LPP: variants seen among roughly 807,000 people sequenced by gnomAD.
The protein encoded by LPP is lipoma-preferred partner.
LPP carries 38 observed loss-of-function variants against 60.4 expected under a neutral mutation model. That is an observed-to-expected ratio of 0.63 (90% CI 0.49 to 0.83). The LOEUF is 0.83. Among genes scored for constraint, LPP ranks in the 40% least tolerant of loss-of-function variants. The pLI, the probability that LPP is intolerant of heterozygous loss-of-function variation, is 0.00. For missense variants in LPP, 902 were observed against 783.6 expected, an observed-to-expected ratio of 1.15 and a Z score of -1.80; for synonymous variants, 328 against 290.8, an observed-to-expected ratio of 1.13 and a Z score of -1.30.
intron 3 of LPP, among the ~76,000 whole-genome samples, chr3:188,359,427 A>G (rs57549598): frequency 0.054 from 8,278 of 152,242 alleles, 305 homozygotes; most frequent in East Asian, 0.21. Flanking sequence ...CCCTGAGAAC[A>G]TATTAGGAGA....
intron 4 of LPP, among the ~76,000 whole-genome samples, chr3:188,467,986 A>G (rs886729609): frequency 6.6e-6 from 1 of 152,314 alleles, no homozygotes; most frequent in East Asian, 1.9e-4. Flanking sequence ...AATACACACA[A>G]TATCATGTTA....
chr3:188,591,595 A>C (rs1838719439), intron 6 of LPP, among the ~76,000 whole-genome samples: 1 of 152,110 alleles, frequency 6.6e-6, no homozygotes, highest in Non-Finnish European at 1.5e-5. Context: ...TTAGGGCCTC[A>C]TCATTTCTTG....
intron 4 of LPP, among the ~76,000 whole-genome samples, chr3:188,480,705 G>A (rs1804535175): frequency 2.0e-5 from 3 of 152,188 alleles, no homozygotes; most frequent in Admixed American, 2.0e-4. Flanking sequence ...CAATTTCCCT[G>A]TAGGTCAGAG....
intron 6 of LPP, among the ~76,000 whole-genome samples, chr3:188,590,198 T>C (rs993464766): frequency 6.6e-6 from 1 of 152,242 alleles, no homozygotes; most frequent in South Asian, 2.1e-4. Context: ...TAGATGCTTT[T>C]TGTTTACATA....
At chr3:188,163,829 T>C (rs1719112561) in intron 1 of LPP, among the ~76,000 whole-genome samples, 1 of 150,222 alleles carries the variant, frequency 6.7e-6, no homozygotes, top group South Asian at 2.1e-4. Context: ...TGGGCGCCTG[T>C]AATCCCAGCT....
At chr3:188,632,021 G>A (rs1325084184) in intron 7 of LPP, among the ~76,000 whole-genome samples, 1 of 152,094 alleles carries the variant, frequency 6.6e-6, no homozygotes, top group Non-Finnish European at 1.5e-5. Context: ...AGGGGCCAGT[G>A]TACATGAGGG....
At chr3:188,700,927 A>C (rs1864275847) in intron 7 of LPP, among the ~76,000 whole-genome samples, 2 of 152,352 alleles carry the variant, frequency 1.3e-5, no homozygotes, top group South Asian at 4.1e-4. Flanking sequence ...GTAGAACCAA[A>C]GGAAGCTTTG....
In LPP at chr3:188,531,716, T is replaced by C. The variant is rs115934746; in HGVS notation, c.429+6929T>C. ...CCTATACCCAGGACCCTTTTGGATCTAGCCCTGTGCACTTCATCATCTGCC... is the reference window on the plus strand; with the variant it reads ...CCTATACCCAGGACCCTTTTGGATCCAGCCCTGTGCACTTCATCATCTGCC... On this transcript the variant is annotated intron_variant, in intron 6 of 11. Transcript: ENST00000617246. 8.1e-3 allele frequency among the ~76,000 whole-genome samples: 1,240 copies of C among 152,318 alleles called. 19 individuals carry two copies. Among genetic ancestry groups the C allele is most frequent in the African/African-American group, 0.028 (1,155 of 41,572 alleles).
At chr3:188,335,003 A>G (rs763718759) in intron 2 of LPP, among the ~76,000 whole-genome samples, 2 of 152,132 alleles carry the variant, frequency 1.3e-5, no homozygotes, top group Non-Finnish European at 2.9e-5. Context: ...GTTGGCTGTA[A>G]ATACGTGGAT....
At position 188,724,412 on chromosome 3, in the gene LPP, G is replaced by A. The variant is rs189257306; in HGVS notation, c.1240+16019G>A. ...TGTTTTTTCCTCTACTTTCCTTGGGGGATGTTTTTAGTATGATTTGATTTT... is the reference window on the plus strand; with the variant it reads ...TGTTTTTTCCTCTACTTTCCTTGGGAGATGTTTTTAGTATGATTTGATTTT... On this transcript the variant is annotated intron_variant, in intron 8 of 11. Transcript: ENST00000617246. Among the ~76,000 whole-genome samples the A allele has an allele frequency of 3.9e-5, 6 of 152,216 alleles. No homozygotes were observed. The East Asian group carries it at 9.6e-4, about 24-fold the overall frequency.
intron 7 of LPP, among the ~76,000 whole-genome samples, chr3:188,622,825 C>T (rs1274799620): frequency 6.6e-6 from 1 of 151,918 alleles, no homozygotes; most frequent in Non-Finnish European, 1.5e-5. Context: ...GTCAGGAGTT[C>T]GATACCAGCC....
At chr3:188,168,655 A>G (rs568364236) in intron 1 of LPP, among the ~76,000 whole-genome samples, 1 of 152,334 alleles carries the variant, frequency 6.6e-6, no homozygotes, top group East Asian at 1.9e-4. Context: ...AACTGATGAC[A>G]TATTTCCCTA....
intron 1 of LPP, among the ~76,000 whole-genome samples, chr3:188,176,845 TAGAG>T (rs557883181): frequency 1.9e-4 from 29 of 152,312 alleles, no homozygotes; most frequent in South Asian, 1.9e-3. Flanking sequence ...AGCAGTATGA[TAGAG>T]AGAGACAGCT....
At chr3:188,316,040 G>A (rs149858170) in intron 2 of LPP, among the ~76,000 whole-genome samples, 103 of 152,286 alleles carry the variant, frequency 6.8e-4, no homozygotes, top group African/African-American at 2.4e-3. Context: ...TTGGGAGGCC[G>A]AGGCAGGCAG....
At chr3:188,168,223 T>C (rs1485810442) in intron 1 of LPP, among the ~76,000 whole-genome samples, 1 of 152,262 alleles carries the variant, frequency 6.6e-6, no homozygotes, top group South Asian at 2.1e-4. Flanking sequence ...TTCCAACCTC[T>C]TCATTTAACA....
intron 2 of LPP, among the ~76,000 whole-genome samples, chr3:188,304,902 A>G (rs950106857): frequency 1.3e-5 from 2 of 152,208 alleles, no homozygotes; most frequent in Non-Finnish European, 2.9e-5. Context: ...TTGCTTCAAA[A>G]AAGAAATGTC....
chr3:188,839,766 T>G (rs922069293), intron 9 of LPP, among the ~76,000 whole-genome samples: 1 of 151,896 alleles, frequency 6.6e-6, no homozygotes, highest in African/African-American at 2.4e-5. Context: ...TAATCTCAGC[T>G]ACTCAGGAGG....
At chr3:188,268,556 C>CT (rs1490727978) in intron 2 of LPP, among the ~76,000 whole-genome samples, 10 of 152,322 alleles carry the variant, frequency 6.6e-5, no homozygotes, top group Admixed American at 6.5e-4. Context: ...AGTTGGCTGT[C>CT]TTTGATTGGC....
intron 7 of LPP, among the ~76,000 whole-genome samples, chr3:188,673,924 A>G (rs1213439499): frequency 6.9e-6 from 1 of 145,778 alleles, no homozygotes; most frequent in Admixed American, 6.9e-5. Flanking sequence ...ATTGCATAAG[A>G]TTCTGTCTCT....
Sources: allele counts gnomAD v4.1 joint callset (sites outside exome capture counted in the v4.1 genomes callset), GRCh38; gene constraint gnomAD v4.1.1; transcripts MANE v1.5; gene names NCBI Gene and HGNC (gene_info 2026-07-23, HGNC 2026-07-21).